SLC25A21: variants seen among roughly 807,000 people sequenced by gnomAD.
SLC25A21 encodes the protein solute carrier family 25 member 21.
A neutral mutation model predicts 43.8 loss-of-function variants in SLC25A21; 47 were observed. The ratio of observed to expected loss-of-function variants is 1.07; its 90% CI spans 0.85 to 1.37. SLC25A21 has a LOEUF of 1.37. SLC25A21 is among the 40% of genes most tolerant of loss of function. The pLI is 0.00. For synonymous variants in SLC25A21, 131 were observed against 121.3 expected (o/e 1.08, Z -0.52); for missense variants, 352 against 350.2 (o/e 1.00, Z -0.04).
chr14:37,109,034 C>G (rs190666199), intron 1 of SLC25A21, among the ~76,000 whole-genome samples: 9 of 152,164 alleles, frequency 5.9e-5, no homozygotes. Flanking sequence ...GGCAAGAAAA[C>G]TAAATATATT....
chr14:37,001,429 A>G (rs1222698959), intron 1 of SLC25A21, among the ~76,000 whole-genome samples: 1 of 152,182 alleles, frequency 6.6e-6, no homozygotes, highest in African/African-American at 2.4e-5. Flanking sequence ...CAAGTAAATG[A>G]GTCAGAATTT....
chr14:37,146,768 T>C (rs1963673330), intron 1 of SLC25A21, among the ~76,000 whole-genome samples: 1 of 152,228 alleles, frequency 6.6e-6, no homozygotes, highest in Non-Finnish European at 1.5e-5. Context: ...GTAGCTATTT[T>C]CTCAGCTATG....
rs1349522775 is a variant in SLC25A21 at position 36,679,482 on chromosome 14, C to CTT, written c.*1174_*1175dup. ...ATGGACTTTCAGTTATTCTTGTTGA[C>CTT]TTTACTGAATCAGCATCATCTCTGG... On this transcript the variant is annotated 3_prime_UTR_variant, in exon 10 of 10. Coordinates refer to ENST00000331299, the MANE Select transcript of SLC25A21 (RefSeq NM_030631.4). 9 of 985,352 alleles carry CTT rather than the reference C, an allele frequency of 9.1e-6. No homozygotes were observed. Among genetic ancestry groups the CTT allele is most frequent in the East Asian group, 1.1e-4 (1 of 8,816 alleles). 61.0% of individuals were successfully genotyped at this position (985,352 alleles called of 1,614,324 possible).
intron 2 of SLC25A21, among the ~76,000 whole-genome samples, chr14:36,835,507 C>A (rs780409311): frequency 2.0e-5 from 3 of 152,166 alleles, no homozygotes; most frequent in Admixed American, 6.5e-5. Flanking sequence ...GCTGCAGAAA[C>A]CTTTCATTGG....
chr14:37,037,287 C>T lies in SLC25A21; in HGVS notation c.70+134994G>A, dbSNP rs114622827. ...CTAAGTTTTGGTTATTCTTGCATTGCAGCTGACTTTCACCTTTTCAGGGGA... is the reference window on the plus strand; with the variant it reads ...CTAAGTTTTGGTTATTCTTGCATTGTAGCTGACTTTCACCTTTTCAGGGGA... On this transcript the variant is annotated intron_variant, in intron 1 of 9. Transcript: ENST00000331299. Among the ~76,000 whole-genome samples, 382 of 152,294 alleles carry T rather than the reference C, an allele frequency of 2.5e-3. 1 individual carries two copies. Among genetic ancestry groups the T allele is most frequent in the African/African-American group, 9.0e-3 (375 of 41,566 alleles).
intron 2 of SLC25A21, among the ~76,000 whole-genome samples, chr14:36,859,905 T>C (rs1230388578): frequency 2.0e-5 from 3 of 152,158 alleles, no homozygotes; most frequent in South Asian, 4.1e-4. Context: ...CATTTTTAAA[T>C]GACATTTATT....
At chr14:36,803,909 G>A (rs1464001633) in intron 3 of SLC25A21, among the ~76,000 whole-genome samples, 3 of 152,248 alleles carry the variant, frequency 2.0e-5, no homozygotes, top group Middle Eastern at 3.4e-3. Context: ...TGAAATAACC[G>A]AGTTAAGTTC....
intron 3 of SLC25A21, among the ~76,000 whole-genome samples, chr14:36,738,493 C>G (rs754462512): frequency 2.6e-5 from 4 of 152,190 alleles, no homozygotes; most frequent in Non-Finnish European, 4.4e-5. Context: ...CACGAGCAGC[C>G]AAGAGCTGCT....
chr14:37,078,696 C>T (rs1259447084), intron 1 of SLC25A21, among the ~76,000 whole-genome samples: 2 of 152,162 alleles, frequency 1.3e-5, no homozygotes, highest in Non-Finnish European at 2.9e-5. Context: ...TACTGGAAGG[C>T]AGTGGTATAA....
chr14:36,880,386 A>G (rs996323050), intron 1 of SLC25A21, among the ~76,000 whole-genome samples: 14 of 152,166 alleles, frequency 9.2e-5, no homozygotes, highest in Non-Finnish European at 1.8e-4. Context: ...TCCTTAAACT[A>G]CTGCGATTTG....
chr14:36,871,980 TGA>T (rs1236829756), intron 2 of SLC25A21, among the ~76,000 whole-genome samples: 1 of 152,126 alleles, frequency 6.6e-6, no homozygotes, highest in Non-Finnish European at 1.5e-5. Flanking sequence ...TCAGCAGGGA[TGA>T]GAGTGCAGGC....
At chr14:37,089,399 C>T (rs572938161) in intron 1 of SLC25A21, among the ~76,000 whole-genome samples, 10 of 152,212 alleles carry the variant, frequency 6.6e-5, no homozygotes, top group South Asian at 6.2e-4. Context: ...ACCATGTCAC[C>T]GTGTAACCCA....
chr14:37,026,691 G>A (rs1961100005), intron 1 of SLC25A21, among the ~76,000 whole-genome samples: 1 of 152,134 alleles, frequency 6.6e-6, no homozygotes, highest in Admixed American at 6.6e-5. Context: ...ATGCTATTAT[G>A]TATTGTGACA....
At chr14:36,691,430 A>C (rs1022280459) in intron 7 of SLC25A21, among the ~76,000 whole-genome samples, 1 of 152,228 alleles carries the variant, frequency 6.6e-6, no homozygotes. Flanking sequence ...AAAAATTTCC[A>C]ACTTAATTCC....
rs200812267 is a variant in SLC25A21 at position 36,855,522 on chromosome 14, C to A, written c.119+19434G>T. Among the ~76,000 whole-genome samples, 5 of 152,280 alleles carry A rather than the reference C, an allele frequency of 3.3e-5. No individual in the cohort carries two copies. In the East Asian group the frequency reaches 9.7e-4, roughly 29 times the overall value. ...CACCATTGGTGGGGCAAGTACCAAT[C>A]CAGAAAGATCCAGTCCAGTGGTTTT... On this transcript the variant is annotated intron_variant, in intron 2 of 9. Coordinates refer to ENST00000331299, the MANE Select transcript of SLC25A21 (RefSeq NM_030631.4).
intron 3 of SLC25A21, among the ~76,000 whole-genome samples, chr14:36,740,243 T>C (rs543561202): frequency 9.6e-4 from 146 of 152,322 alleles, no homozygotes; most frequent in African/African-American, 3.4e-3. Flanking sequence ...TCAGATTGTT[T>C]ATGCTGGGGA....
chr14:36,842,309 C>T (rs1269865282), intron 2 of SLC25A21, among the ~76,000 whole-genome samples: 2 of 152,148 alleles, frequency 1.3e-5, no homozygotes, highest in Non-Finnish European at 2.9e-5. Flanking sequence ...TTCTTTGTAA[C>T]TTGATGAGGT....
At chr14:36,839,974 C>T (rs903999468) in intron 2 of SLC25A21, among the ~76,000 whole-genome samples, 2 of 152,166 alleles carry the variant, frequency 1.3e-5, no homozygotes, top group Admixed American at 1.3e-4. Context: ...TTGACCAAAA[C>T]ATTGCATGAC....
chr14:36,824,850 G>A (rs1185541340), intron 2 of SLC25A21, among the ~76,000 whole-genome samples: 5 of 147,768 alleles, frequency 3.4e-5, no homozygotes, highest in Admixed American at 6.8e-5. Flanking sequence ...GATGGGGAGA[G>A]AGAGCCAGCC....
Sources: gnomAD v4.1 joint callset for allele counts (sites outside exome capture counted in the v4.1 genomes callset) on GRCh38, gnomAD v4.1.1 for gene constraint, MANE v1.5 for transcripts, NCBI Gene and HGNC (gene_info 2026-07-23, HGNC 2026-07-21) for gene names.